The following GALNT14 variants were observed in gnomAD, a reference collection of about 807,000 sequenced individuals.
GALNT14 encodes the protein polypeptide N-acetylgalactosaminyltransferase 14.
Under a neutral mutation model 77.5 loss-of-function variants are expected in GALNT14, and 60 were observed. The observed-to-expected ratio is 0.77, with a 90% CI of 0.63 to 0.96. The LOEUF (loss-of-function observed/expected upper bound fraction) is 0.96. Among genes scored for constraint, GALNT14 ranks in the 40% least tolerant of loss-of-function variants. GALNT14 has a pLI of 0.00. For missense variants in GALNT14, 710 were observed against 731.0 expected (o/e 0.97, Z 0.33); for synonymous variants, 280 against 281.7 (o/e 0.99, Z 0.06).
At chr2:31,046,361 G>T (rs1485141656) in intron 1 of GALNT14, among the ~76,000 whole-genome samples, 2 of 152,056 alleles carry the variant, frequency 1.3e-5, no homozygotes, top group Admixed American at 1.3e-4. Flanking sequence ...CAAGTAGCTG[G>T]GATTACAGGT....
At chr2:30,908,302 C>T (rs1213239772), downstream of GALNT14, among the ~76,000 whole-genome samples, 1 of 152,258 alleles carries the variant, frequency 6.6e-6, no homozygotes, top group East Asian at 1.9e-4. Context: ...GATTGTATAT[C>T]TAGAAAACCC....
chr2:30,961,282 G>A (rs541636029), intron 3 of GALNT14, among the ~76,000 whole-genome samples: 3 of 152,200 alleles, frequency 2.0e-5, no homozygotes, highest in African/African-American at 4.8e-5. Flanking sequence ...TGAACTCCAC[G>A]GTGCTCTATG....
intron 1 of GALNT14, among the ~76,000 whole-genome samples, chr2:31,108,417 A>ACTCGGACG (rs2148622008): frequency 6.6e-6 from 1 of 152,350 alleles, no homozygotes; most frequent in East Asian, 1.9e-4. Context: ...CACCCGCTCA[A>ACTCGGACG]TTACACAGGC....
At chr2:31,046,722 T>C (rs991510079) in intron 1 of GALNT14, among the ~76,000 whole-genome samples, 3 of 152,172 alleles carry the variant, frequency 2.0e-5, no homozygotes, top group Admixed American at 1.3e-4. Context: ...ATTTGGCCCA[T>C]AGATATGAAT....
chr2:30,998,766 C>T (rs73923345), intron 1 of GALNT14, among the ~76,000 whole-genome samples: 4,791 of 152,238 alleles, frequency 0.031, 231 homozygotes, highest in African/African-American at 0.11. Context: ...ATTAGAACTC[C>T]GGCAGCCAGC....
At chr2:31,057,348 ATGTG>A (rs35039993) in intron 1 of GALNT14, among the ~76,000 whole-genome samples, 3,136 of 111,806 alleles carry the variant, frequency 0.028, 98 homozygotes, top group African/African-American at 0.083. Context: ...ACGTATATAT[ATGTG>A]TGTGTGTGTG....
At chr2:31,065,208 G>A (rs1274677704) in intron 1 of GALNT14, 1 of 151,872 alleles carries the variant, frequency 6.6e-6, no homozygotes, top group African/African-American at 2.4e-5. Flanking sequence ...GGATGCTTGA[G>A]GTCTCCAGAG....
intron 3 of GALNT14, among the ~76,000 whole-genome samples, chr2:30,965,207 C>T (rs994242310): frequency 3.4e-5 from 5 of 147,502 alleles, no homozygotes; most frequent in African/African-American, 1.2e-4. Flanking sequence ...GAGTGCAAGG[C>T]CTGGAATCCT....
At chr2:31,008,583 T>G (rs1255137146) in intron 1 of GALNT14, among the ~76,000 whole-genome samples, 1 of 151,822 alleles carries the variant, frequency 6.6e-6, no homozygotes, top group African/African-American at 2.4e-5. Context: ...CATTAAGCAT[T>G]AAGGCTTTCC....
the GALNT14 span, among the ~76,000 whole-genome samples, chr2:30,904,456 A>C: frequency 6.6e-6 from 1 of 152,164 alleles, no homozygotes; most frequent in African/African-American, 2.4e-5. Flanking sequence ...GACGGACGGC[A>C]CCTGGAAAAT....
intron 1 of GALNT14, among the ~76,000 whole-genome samples, chr2:31,066,079 T>A (rs1261022345): frequency 1.3e-5 from 2 of 151,538 alleles, no homozygotes; most frequent in African/African-American, 4.8e-5. Context: ...GTGAGAGAGA[T>A]GAGATCATAG....
chr2:31,084,157 C>T lies in GALNT14; in HGVS notation c.129+53801G>A, dbSNP rs543698992. Among the ~76,000 whole-genome samples, 4 of 152,270 alleles carry T rather than the reference C, an allele frequency of 2.6e-5. No individual in the cohort carries two copies. The East Asian group carries it at 5.8e-4, about 22-fold the overall frequency. ...GACTGGCCACTGTGTGGGATACTTC[C>T]TCCAATTTTATCCTTTTATCCTCAA... On this transcript the variant is annotated intron_variant, in intron 1 of 14. Transcript: ENST00000349752.
chr2:31,005,592 T>C (rs907256012), intron 1 of GALNT14, among the ~76,000 whole-genome samples: 1 of 152,194 alleles, frequency 6.6e-6, no homozygotes, highest in African/African-American at 2.4e-5. Context: ...TGAATGCTAA[T>C]GGAGGGAAAA....
the GALNT14 span, among the ~76,000 whole-genome samples, chr2:30,887,745 C>A: frequency 6.6e-6 from 1 of 152,154 alleles, no homozygotes; most frequent in Non-Finnish European, 1.5e-5. Flanking sequence ...TCTCTTGTTG[C>A]TCATGCTTTT....
chr2:30,956,294 A>C (rs906456565), intron 4 of GALNT14, among the ~76,000 whole-genome samples: 5 of 152,182 alleles, frequency 3.3e-5, no homozygotes, highest in African/African-American at 1.2e-4. Flanking sequence ...ACCTGGGGAC[A>C]TTTCTCTTTT....
chr2:31,057,883 G>A (rs925938558), intron 1 of GALNT14, among the ~76,000 whole-genome samples: 1 of 152,082 alleles, frequency 6.6e-6, no homozygotes, highest in Admixed American at 6.5e-5. Context: ...GCTGGTTGGA[G>A]GCACCTGCAG....
At chr2:31,028,889 C>T (rs763520949) in intron 1 of GALNT14, among the ~76,000 whole-genome samples, 16 of 152,094 alleles carry the variant, frequency 1.1e-4, no homozygotes, top group African/African-American at 3.4e-4. Flanking sequence ...TAAGCAGCAA[C>T]GGCTGAGAGT....
At chr2:31,113,560 A>C (rs1677944662) in intron 1 of GALNT14, among the ~76,000 whole-genome samples, 1 of 152,128 alleles carries the variant, frequency 6.6e-6, no homozygotes, top group Non-Finnish European at 1.5e-5. Flanking sequence ...GCCTGGAGCT[A>C]GGGTAGCTCA....
At chr2:30,995,178 T>TGTGTGTGTC (rs1669953426) in intron 1 of GALNT14, among the ~76,000 whole-genome samples, 3 of 104,494 alleles carry the variant, frequency 2.9e-5, no homozygotes, top group African/African-American at 1.2e-4. Flanking sequence ...GTGTGTGTGT[T>TGTGTGTGTC]CATGTGCATA....
Sources: gnomAD v4.1 joint callset for allele counts (sites outside exome capture counted in the v4.1 genomes callset) on GRCh38, gnomAD v4.1.1 for gene constraint, MANE v1.5 for transcripts, NCBI Gene and HGNC (gene_info 2026-07-23, HGNC 2026-07-21) for gene names.